Variants in DOCK10 observed in about 807,000 individuals in gnomAD.
DOCK10 encodes the protein dedicator of cytokinesis 10, also known as dedicator of cytokinesis protein 10.
In DOCK10, 145 loss-of-function variants were observed where a neutral mutation model predicts 280.1. That is an observed-to-expected ratio of 0.52 (90% CI 0.45 to 0.59). The LOEUF is 0.59. DOCK10 is among the 20% of genes least tolerant of loss of function. The pLI is 0.00. For missense variants in DOCK10, 2,368 were observed against 2,651.7 expected, an observed-to-expected ratio of 0.89 and a Z score of 2.35; for synonymous variants, 915 against 942.2, an observed-to-expected ratio of 0.97 and a Z score of 0.53.
Position 224,876,458 on chromosome 2 carries a change from G to A in DOCK10, c.748-237C>T, listed in dbSNP as rs142253824. 3.2e-3 allele frequency among the ~76,000 whole-genome samples: 494 copies of A among 152,244 alleles called. 1 individual carries two copies. The highest frequency in any genetic ancestry group is 0.011 in the African/African-American group (453 of 41,546). On this transcript the variant is annotated intron_variant, in intron 7 of 55. Coordinates refer to ENST00000258390, the MANE Select transcript of DOCK10 (RefSeq NM_014689.3). The stretch of plus-strand genomic sequence containing the variant: ...AGGGTTTTGTTGATTGGATGGACAC[G>A]TTAGCTTGAACATTTCATCACGGGC...
At chr2:224,973,175 G>T (rs560271625) in intron 1 of DOCK10, among the ~76,000 whole-genome samples, 1 of 152,144 alleles carries the variant, frequency 6.6e-6, no homozygotes, top group South Asian at 2.1e-4. Flanking sequence ...CACTCTTACA[G>T]GCCCTTTACT....
intron 25 of DOCK10, among the ~76,000 whole-genome samples, chr2:224,834,986 T>G (rs1015295190): frequency 3.9e-5 from 6 of 152,230 alleles, no homozygotes; most frequent in African/African-American, 1.4e-4. Flanking sequence ...GGACATTTCT[T>G]CATAATTTTC....
At position 224,857,891 on chromosome 2, in the gene DOCK10, A is replaced by T. The variant is rs1697249162; in HGVS notation, c.1686-909T>A. 2.0e-5 allele frequency among the ~76,000 whole-genome samples: 3 copies of T among 152,290 alleles called. No homozygotes were observed. The South Asian group carries it at 6.2e-4, about 32-fold the overall frequency. On this transcript the variant is annotated intron_variant, in intron 14 of 55. Coordinates refer to ENST00000258390, the MANE Select transcript of DOCK10 (RefSeq NM_014689.3). ...TGGCCATTTAAATGGATATCAGATTAAATAGCTTTAGTGTTAAATAGAACA... is the reference window on the plus strand; with the variant it reads ...TGGCCATTTAAATGGATATCAGATTTAATAGCTTTAGTGTTAAATAGAACA...
intron 26 of DOCK10, among the ~76,000 whole-genome samples, chr2:224,831,861 C>A (rs1695262027): frequency 1.3e-5 from 2 of 152,144 alleles, no homozygotes; most frequent in African/African-American, 4.8e-5. Flanking sequence ...GCCTGGAAAT[C>A]CACCTATAGG....
chr2:224,812,440 A>C (rs1036538739), intron 31 of DOCK10, among the ~76,000 whole-genome samples: 3 of 152,170 alleles, frequency 2.0e-5, no homozygotes, highest in Admixed American at 6.5e-5. Context: ...AAACAGGGAC[A>C]ATTTGACTTC....
chr2:224,847,946 A>G (rs1302731010), intron 19 of DOCK10, among the ~76,000 whole-genome samples: 1 of 152,216 alleles, frequency 6.6e-6, no homozygotes. Context: ...TGAAATGGGG[A>G]GATTATCCTG....
intron 1 of DOCK10, among the ~76,000 whole-genome samples, chr2:224,945,779 A>T (rs1459752154): frequency 6.6e-6 from 1 of 152,148 alleles, no homozygotes; most frequent in Non-Finnish European, 1.5e-5. Context: ...TGTGGTTTTC[A>T]TATGGGTGAT....
chr2:225,032,331 A>T (rs886547644), intron 1 of DOCK10, among the ~76,000 whole-genome samples: 1 of 152,182 alleles, frequency 6.6e-6, no homozygotes, highest in Non-Finnish European at 1.5e-5. Flanking sequence ...CAGAAGCCAT[A>T]TAATGGCTTC....
At chr2:224,848,107 A>G (rs1404891189) in intron 19 of DOCK10, among the ~76,000 whole-genome samples, 1 of 152,178 alleles carries the variant, frequency 6.6e-6, no homozygotes, top group African/African-American at 2.4e-5. Flanking sequence ...TGGAAGCTGG[A>G]AAAGGAGATG....
chr2:224,787,445 G>T (rs776139179), intron 48 of DOCK10, 48 bp from the exon 49 acceptor site: 1 of 1,601,796 alleles, frequency 6.2e-7, no homozygotes, highest in East Asian at 2.2e-5. Flanking sequence ...TAGGGTTGTG[G>T]CTCATGCCTG....
At chr2:224,979,616 G>A (rs1407121174) in intron 1 of DOCK10, among the ~76,000 whole-genome samples, 2 of 152,200 alleles carry the variant, frequency 1.3e-5, no homozygotes, top group Admixed American at 6.5e-5. Context: ...AGGGCCTTTC[G>A]CCTTGGCGGG....
chr2:225,028,805 C>T (rs1160481819), intron 1 of DOCK10, among the ~76,000 whole-genome samples: 1 of 152,142 alleles, frequency 6.6e-6, no homozygotes, highest in Non-Finnish European at 1.5e-5. Flanking sequence ...CAACTGGCTG[C>T]CAAGCATAGG....
Position 224,813,920 on chromosome 2 carries a change from A to G in DOCK10, c.3409+400T>C, listed in dbSNP as rs187601680. ...AGTTACTAACCCATTTCAGATAAAA[A>G]TAAACTTATACTAATATCCTCTGTC... On this transcript the variant is annotated intron_variant, in intron 31 of 55. Transcript: ENST00000258390. 2.8e-3 allele frequency among the ~76,000 whole-genome samples: 428 copies of G among 152,360 alleles called. 3 individuals carry two copies. Among genetic ancestry groups the G allele is most frequent in the Non-Finnish European group, 4.8e-3 (328 of 68,034 alleles).
intron 53 of DOCK10, 128 bp downstream of exon 53, chr2:224,773,029 G>A: frequency 1.2e-6 from 1 of 827,720 alleles, no homozygotes; most frequent in South Asian, 2.4e-5. Flanking sequence ...TAAAGACCCA[G>A]ATAAAGGTGT....
At chr2:224,776,940 A>G (rs1420697571) in intron 51 of DOCK10, among the ~76,000 whole-genome samples, 1 of 151,890 alleles carries the variant, frequency 6.6e-6, no homozygotes, top group Non-Finnish European at 1.5e-5. Context: ...TTGGACTTTG[A>G]CTCTCTGGTG....
intron 3 of DOCK10, among the ~76,000 whole-genome samples, chr2:224,913,323 T>C (rs148390920): frequency 3.6e-4 from 55 of 152,322 alleles, no homozygotes; most frequent in African/African-American, 1.3e-3. Context: ...TTCTTTTAAT[T>C]TCTATTTCCA....
At chr2:224,931,723 T>G (rs1043727323) in intron 1 of DOCK10, 55 bp from the exon 2 acceptor site, 3 of 1,508,458 alleles carry the variant, frequency 2.0e-6, no homozygotes, top group Middle Eastern at 3.7e-4. Flanking sequence ...CTCCCTTTTC[T>G]ATGCCTGGTT....
rs1242893700 is a variant in DOCK10, at chr2:224,797,002, A to G, written c.4789T>C (p.Phe1597Leu). ...LYFFMRKNFE[F>L]NKQKSIVRSH... Reference sequence around the variant, plus strand: ...CGGACAATTGACTTCTGCTTGTTAAATTCAAAATTCTTCCTCATGAAAAAG... The same window carrying G: ...CGGACAATTGACTTCTGCTTGTTAAGTTCAAAATTCTTCCTCATGAAAAAG... Residue 1597 changes from phenylalanine (F) to leucine (L), a missense_variant, in exon 43 of 56, where the codon TTT becomes CTT. Phe to Leu is a conservative substitution (Grantham distance 22). Around this residue, in one of 2 missense-constraint regions of DOCK10, gnomAD observed 1,159 missense variants for 1,400.8 expected, o/e 0.83. Coordinates refer to ENST00000258390, the MANE Select transcript of DOCK10 (RefSeq NM_014689.3). 7 of 1,613,330 alleles carry G rather than the reference A, an allele frequency of 4.3e-6. No homozygotes were observed. In the South Asian group the frequency reaches 7.7e-5, roughly 18 times the overall value.
At chr2:224,873,496 G>A (rs976403806) in intron 11 of DOCK10, among the ~76,000 whole-genome samples, 20 of 148,804 alleles carry the variant, frequency 1.3e-4, no homozygotes, top group South Asian at 2.1e-4. Flanking sequence ...TGGAAGGATC[G>A]CTTGAGCCCT....
Sources: gnomAD v4.1 joint callset for allele counts (sites outside exome capture counted in the v4.1 genomes callset) on GRCh38, gnomAD v4.1.1 for gene constraint, gnomAD v4.1.1 regional missense constraint, MANE v1.5 for transcripts, NCBI Gene and HGNC (gene_info 2026-07-23, HGNC 2026-07-21) for gene names.